The following SNTG1 variants were observed in gnomAD, a reference collection of about 807,000 sequenced individuals.
SNTG1 encodes gamma-1-syntrophin.
SNTG1 carries 39 observed loss-of-function variants against 74.7 expected under a neutral mutation model. The ratio of observed to expected loss-of-function variants is 0.52; its 90% CI spans 0.40 to 0.68. The LOEUF (loss-of-function observed/expected upper bound fraction) is 0.68. Ranked by LOEUF, SNTG1 falls within the 30% of genes least tolerant of loss-of-function variation. SNTG1 has a pLI of 0.00. For missense variants in SNTG1, 685 were observed against 609.5 expected, an observed-to-expected ratio of 1.12 and a Z score of -1.30; for synonymous variants, 254 against 217.1, an observed-to-expected ratio of 1.17 and a Z score of -1.49.
At chr8:50,268,727 G>T (rs895108317) in intron 2 of SNTG1, among the ~76,000 whole-genome samples, 2 of 151,866 alleles carry the variant, frequency 1.3e-5, no homozygotes, top group Non-Finnish European at 2.9e-5. Flanking sequence ...CAGGATCTTG[G>T]TTCACTACGA....
At chr8:50,599,611 A>G (rs900346643) in intron 13 of SNTG1, among the ~76,000 whole-genome samples, 2 of 151,920 alleles carry the variant, frequency 1.3e-5, no homozygotes, top group African/African-American at 4.8e-5. Context: ...ATGGGGTTAC[A>G]GTTTTGATTT....
chr8:50,292,312 G>A (rs4367562), intron 2 of SNTG1, among the ~76,000 whole-genome samples: 136,902 of 151,974 alleles, frequency 0.9, 63,381 homozygotes, highest in East Asian at 1. Flanking sequence ...GTTTGGGTAA[G>A]ATATGGAAAG....
Position 50,642,702 on chromosome 8 carries a change from A to C in SNTG1, c.850-14207A>C, listed in dbSNP as rs540756452. ...GTCCCATTGGTGTGATGTTAGGGCA[A>C]TCGCAGCTACAATTTCAGCCCTTCC... On this transcript the variant is annotated intron_variant, in intron 13 of 18. Coordinates refer to ENST00000642720, the MANE Select transcript of SNTG1 (RefSeq NM_018967.5). Among the ~76,000 whole-genome samples the C allele has an allele frequency of 1.2e-4, 19 of 152,292 alleles. No individual in the cohort carries two copies. The East Asian group carries it at 3.7e-3, about 29-fold the overall frequency.
intron 17 of SNTG1, among the ~76,000 whole-genome samples, chr8:50,719,231 A>C (rs943578386): frequency 1.3e-5 from 2 of 152,216 alleles, no homozygotes; most frequent in Non-Finnish European, 2.9e-5. Flanking sequence ...ACCTCATGTG[A>C]TAGCATTAGG....
intron 2 of SNTG1, among the ~76,000 whole-genome samples, chr8:50,269,125 T>G (rs977806540): frequency 6.6e-6 from 1 of 152,186 alleles, no homozygotes; most frequent in Non-Finnish European, 1.5e-5. Context: ...ACATGAAATG[T>G]AAAACTATTC....
chr8:50,188,076 G>T (rs938597767), intron 2 of SNTG1, among the ~76,000 whole-genome samples: 3 of 152,110 alleles, frequency 2.0e-5, no homozygotes, highest in African/African-American at 7.2e-5. Context: ...AACAGAACAG[G>T]CCATTCTATT....
chr8:50,261,456 A>C (rs1471655426), intron 2 of SNTG1, among the ~76,000 whole-genome samples: 2 of 152,206 alleles, frequency 1.3e-5, no homozygotes, highest in Non-Finnish European at 2.9e-5. Flanking sequence ...TATAGTTTTC[A>C]AAATGAAAAG....
At chr8:50,509,342 G>C (rs991494246) in intron 9 of SNTG1, among the ~76,000 whole-genome samples, 8 of 152,140 alleles carry the variant, frequency 5.3e-5, no homozygotes, top group Admixed American at 5.2e-4. Flanking sequence ...TTTGAAGTCA[G>C]GTAGCGTGAT....
intron 1 of SNTG1, among the ~76,000 whole-genome samples, chr8:49,936,734 G>T (rs1264129980): frequency 6.6e-6 from 1 of 152,042 alleles, no homozygotes; most frequent in East Asian, 1.9e-4. Flanking sequence ...TAACCCAACA[G>T]TCCATCAACA....
At chr8:50,115,151 G>A (rs1288342300) in intron 1 of SNTG1, among the ~76,000 whole-genome samples, 1 of 152,100 alleles carries the variant, frequency 6.6e-6, no homozygotes, top group Admixed American at 6.6e-5. Flanking sequence ...TGAGGTCATG[G>A]ATTTAAAGTG....
intron 1 of SNTG1, among the ~76,000 whole-genome samples, chr8:49,980,343 C>T (rs371194784): frequency 6.6e-6 from 1 of 152,050 alleles, no homozygotes; most frequent in East Asian, 1.9e-4. Context: ...CGCTGAAAAT[C>T]AACTGGTAGC....
At chr8:50,151,648 T>C (rs948495312) in intron 1 of SNTG1, among the ~76,000 whole-genome samples, 1 of 152,216 alleles carries the variant, frequency 6.6e-6, no homozygotes, top group African/African-American at 2.4e-5. Flanking sequence ...TCTTTATTTC[T>C]GCCTTCATTT....
intron 1 of SNTG1, among the ~76,000 whole-genome samples, chr8:50,039,644 A>T (rs534118852): frequency 6.6e-6 from 1 of 151,548 alleles, no homozygotes; most frequent in East Asian, 1.9e-4. Context: ...AATGATTTAC[A>T]TTTTTTTTGC....
chr8:50,267,695 G>GA (rs1481746301), intron 2 of SNTG1, among the ~76,000 whole-genome samples: 1 of 152,010 alleles, frequency 6.6e-6, no homozygotes, highest in Non-Finnish European at 1.5e-5. Flanking sequence ...ATGGGCTAAA[G>GA]AAAAAATATA....
intron 1 of SNTG1, among the ~76,000 whole-genome samples, chr8:50,024,586 C>A (rs1055418311): frequency 6.6e-6 from 1 of 152,158 alleles, no homozygotes; most frequent in African/African-American, 2.4e-5. Context: ...ACCTTGGACA[C>A]TGCCAAATGC....
At chr8:49,970,693 G>A (rs1811584919) in intron 1 of SNTG1, among the ~76,000 whole-genome samples, 1 of 152,186 alleles carries the variant, frequency 6.6e-6, no homozygotes, top group East Asian at 1.9e-4. Context: ...CTCTAGAGAA[G>A]AACATTCTGT....
At chr8:50,062,730 T>C (rs1245716892) in intron 1 of SNTG1, among the ~76,000 whole-genome samples, 1 of 152,226 alleles carries the variant, frequency 6.6e-6, no homozygotes, top group Non-Finnish European at 1.5e-5. Context: ...TTGAGAACTT[T>C]GAAAGATAAT....
At chr8:50,453,940 A>C (rs1020473159) in intron 8 of SNTG1, among the ~76,000 whole-genome samples, 2 of 150,662 alleles carry the variant, frequency 1.3e-5, no homozygotes, top group African/African-American at 2.4e-5. Context: ...GAGTGGCAAG[A>C]CTGTGTGAAA....
intron 8 of SNTG1, among the ~76,000 whole-genome samples, chr8:50,482,465 T>C: frequency 6.6e-6 from 1 of 152,170 alleles, no homozygotes. Context: ...ACTGTCTCAT[T>C]TGAAAGTATT....
Sources: gnomAD v4.1 joint callset for allele counts (sites outside exome capture counted in the v4.1 genomes callset) on GRCh38, gnomAD v4.1.1 for gene constraint, MANE v1.5 for transcripts, NCBI Gene and HGNC (gene_info 2026-07-23, HGNC 2026-07-21) for gene names.